Variants in ZNF335 observed in about 807,000 individuals in gnomAD.
ZNF335 encodes the protein zinc finger protein 335, also known as NRC-interacting factor 1.
ZNF335 carries 84 observed loss-of-function variants against 145.6 expected under a neutral mutation model. The observed-to-expected ratio is 0.58, with a 90% CI of 0.48 to 0.69. The LOEUF is 0.69. Ranked by LOEUF, ZNF335 falls within the 30% of genes least tolerant of loss-of-function variation. The pLI, the probability that ZNF335 is intolerant of heterozygous loss-of-function variation, is 0.00. For missense variants in ZNF335, 1,865 were observed against 1,809.7 expected, an observed-to-expected ratio of 1.03 and a Z score of -0.55; for synonymous variants, 761 against 717.0, an observed-to-expected ratio of 1.06 and a Z score of -0.98.
At chr20:45,954,312 A>G (rs1474815751) in intron 17 of ZNF335, among the ~76,000 whole-genome samples, 8 of 152,204 alleles carry the variant, frequency 5.3e-5, no homozygotes, top group African/African-American at 1.7e-4. Flanking sequence ...ACCACACAAT[A>G]GTATCTGCCT....
intron 1 of ZNF335, chr20:45,971,849 G>C (rs1405764714): frequency 2.0e-6 from 2 of 984,122 alleles, no homozygotes; most frequent in Non-Finnish European, 1.2e-6. Context: ...GCTCCCCCCC[G>C]GTTCCCCTGC....
chr20:45,963,577 G>T lies in ZNF335; in HGVS notation c.1429C>A (p.His477Asn). 6.2e-7 allele frequency: 1 copy of T among 1,614,206 alleles called. No homozygotes were observed. Among genetic ancestry groups the T allele is most frequent in the Non-Finnish European group, 8.5e-7 (1 of 1,180,042 alleles). Reference protein sequence around the residue: ...CRICGSRFLSHEDLRFHVNSH... With the variant: ...CRICGSRFLSNEDLRFHVNSH... ...TTGACGTGGAAGCGCAGGTCCTCGT[G>T]GGACAGAAAGCGAGAACCACAGATG... is the stretch of plus-strand genomic sequence containing the variant. The change falls in exon 9 of 28, where the codon CAC becomes AAC. Residue 477 changes from histidine (H) to asparagine (N), a missense_variant. Transcript: ENST00000322927.
At chr20:45,960,118 G>A (rs1462645962) in intron 14 of ZNF335, 90 bp downstream of exon 14, 7 of 1,456,242 alleles carry the variant, frequency 4.8e-6, no homozygotes, top group Non-Finnish European at 6.5e-6. Context: ...GGCTACCGAG[G>A]GGGAAGGAAG....
At chr20:45,971,899 T>C (rs2084079637) in intron 1 of ZNF335, 1 of 985,266 alleles carries the variant, frequency 1.0e-6, no homozygotes, top group South Asian at 4.7e-5. Flanking sequence ...CCTGGCGATT[T>C]GGGGCTGTCC....
chr20:45,949,705 AG>A, intron 24 of ZNF335, 94 bp downstream of exon 24: 1 of 1,492,280 alleles, frequency 6.7e-7, no homozygotes, highest in Admixed American at 1.7e-5. Context: ...GGACCCCAGG[AG>A]GGGTGGTTTG....
chr20:45,950,810 T>C (rs990252615), intron 20 of ZNF335, among the ~76,000 whole-genome samples: 11 of 152,180 alleles, frequency 7.2e-5, no homozygotes, highest in African/African-American at 2.2e-4. Context: ...ATTCCATCAT[T>C]ATTAGGTAAA....
Position 45,959,207 on chromosome 20 carries a change from AG to A in ZNF335, c.2246del (p.Pro749LeufsTer52), listed in dbSNP as rs2083782441. ...APGPPPSSPG[P>X]PEIPPEATTF... The stretch of plus-strand genomic sequence containing the variant: ...ACCCATGCCCCGACCTTACCTCAGG[AG>A]GTCCTGGGGAACTGGGAGGTGGTCC... On this transcript the variant is annotated frameshift_variant, in exon 15 of 28. Transcript: ENST00000322927. LOFTEE classifies it high-confidence loss of function. 7.3e-7 allele frequency: 1 copy of A among 1,366,218 alleles called. No individual in the cohort carries two copies. Among genetic ancestry groups the A allele is most frequent in the Admixed American group, 2.9e-5 (1 of 34,472 alleles). 84.6% of individuals were successfully genotyped at this position (1,366,218 alleles called of 1,614,324 possible).
At position 45,953,815 on chromosome 20, in the gene ZNF335, C is replaced by T; in HGVS notation, c.2576G>A (p.Ser859Asn). 2 of 1,614,102 alleles carry T rather than the reference C, an allele frequency of 1.2e-6. No homozygotes were observed. The highest frequency in any genetic ancestry group is 1.7e-6 in the Non-Finnish European group (2 of 1,180,042). ...AEPGGGAAAESQLGPPDLPQI... is the reference protein window; with the variant it reads ...AEPGGGAAAENQLGPPDLPQI... Reference sequence around the variant, plus strand: ...CGGTAGGTCAGGAGGGCCTAGCTGGCTCTCGGCTGCTGCACCGCCCCCTGG... The same window carrying T: ...CGGTAGGTCAGGAGGGCCTAGCTGGTTCTCGGCTGCTGCACCGCCCCCTGG... Residue 859 changes from serine to asparagine, a missense_variant, in exon 18 of 28, where the codon AGC becomes AAC. Physicochemically the swap from Ser to Asn is conservative, Grantham distance 46. Transcript: ENST00000322927.
intron 6 of ZNF335, among the ~76,000 whole-genome samples, chr20:45,966,028 C>A (rs920677854): frequency 1.8e-4 from 28 of 152,152 alleles, no homozygotes; most frequent in Non-Finnish European, 3.7e-4. Flanking sequence ...AGGGAAAAGG[C>A]AACCCTTCCT....
intron 25 of ZNF335, 38 bp from the exon 26 acceptor site, chr20:45,949,436 G>T: frequency 6.2e-7 from 1 of 1,613,970 alleles, no homozygotes; most frequent in Middle Eastern, 1.6e-4. Flanking sequence ...CTAGGGAGAG[G>T]TCATGCAGCC....
chr20:45,953,478 G>T (rs1449072447), intron 18 of ZNF335, among the ~76,000 whole-genome samples: 1 of 152,176 alleles, frequency 6.6e-6, no homozygotes, highest in African/African-American at 2.4e-5. Flanking sequence ...AATGGCTTAG[G>T]TCCCATCATG....
chr20:45,949,106 G>T, intron 27 of ZNF335, 26 bp from the exon 28 acceptor site: 1 of 1,613,566 alleles, frequency 6.2e-7, no homozygotes, highest in Non-Finnish European at 8.5e-7. Flanking sequence ...AAAGTATGGT[G>T]AGCTGGAGGC....
chr20:45,971,308 C>T lies in ZNF335; in HGVS notation c.103G>A (p.Val35Met), dbSNP rs114356103. Residue 35 changes from valine to methionine, a missense_variant, in exon 2 of 28, where the codon GTG (valine) becomes ATG (methionine). Coordinates refer to ENST00000322927, the MANE Select transcript of ZNF335 (RefSeq NM_022095.4). ...SGLGVGTSEA[V>M]SADSSDAAAA... ...GCGGCGTCGCTGCTGTCGGCGGACA[C>T]GGCTTCTGAGGTGCCCACACCCAGG... 1.3e-6 allele frequency: 2 copies of T among 1,593,542 alleles called. No individual in the cohort carries two copies. Among genetic ancestry groups the T allele is most frequent in the African/African-American group, 1.3e-5 (1 of 74,748 alleles).
At chr20:45,953,298 T>C (rs928866955) in intron 18 of ZNF335, among the ~76,000 whole-genome samples, 1 of 151,914 alleles carries the variant, frequency 6.6e-6, no homozygotes, top group Non-Finnish European at 1.5e-5. Flanking sequence ...TTGCTCGGAG[T>C]GTCAGAACTG....
rs1014514532 is a variant in ZNF335, at chr20:45,969,320, G to A, written c.442+131C>T. 8 of 561,534 alleles carry A rather than the reference G, an allele frequency of 1.4e-5. No homozygotes were observed. In the African/African-American group the frequency reaches 1.7e-4, roughly 12 times the overall value. 34.8% of individuals were successfully genotyped at this position (561,534 alleles called of 1,614,324 possible). On this transcript the variant is annotated intron_variant, in intron 3 of 27. Transcript: ENST00000322927. Reference sequence around the variant, plus strand: ...AATCCTCATTTACCACCATGAGACAGGGGTGACTGTTCCCACTCTGCACAT... The same window carrying A: ...AATCCTCATTTACCACCATGAGACAAGGGTGACTGTTCCCACTCTGCACAT...
intron 6 of ZNF335, 34 bp from the exon 7 acceptor site, chr20:45,965,808 T>C (rs762662861): frequency 1.8e-5 from 29 of 1,579,572 alleles, no homozygotes; most frequent in Non-Finnish European, 2.3e-5. Flanking sequence ...GAACAGTGAG[T>C]GGCGGGACCT....
chr20:45,953,067 A>G (rs1659072111), intron 18 of ZNF335, among the ~76,000 whole-genome samples: 1 of 152,204 alleles, frequency 6.6e-6, no homozygotes, highest in South Asian at 2.1e-4. Context: ...GCTGCCTAAG[A>G]GCAGACAGCA....
chr20:45,959,585 G>A (rs535979594), intron 14 of ZNF335, 152 bp from the exon 15 acceptor site: 9 of 567,880 alleles, frequency 1.6e-5, no homozygotes, highest in Non-Finnish European at 2.5e-5. Context: ...GTCCATTCTG[G>A]TGGCCCAGGA....
chr20:45,963,078 G>T (rs905230266), intron 9 of ZNF335, among the ~76,000 whole-genome samples: 7 of 152,094 alleles, frequency 4.6e-5, no homozygotes, highest in African/African-American at 1.2e-4. Flanking sequence ...CTCGCAAAGT[G>T]CTGGGATTAC....
Sources: allele counts gnomAD v4.1 joint callset (sites outside exome capture counted in the v4.1 genomes callset), GRCh38; gene constraint gnomAD v4.1.1; transcripts MANE v1.5; gene names NCBI Gene and HGNC (gene_info 2026-07-23, HGNC 2026-07-21).